TRMT11: variants seen among roughly 807,000 people sequenced by gnomAD.
TRMT11 encodes tRNA (guanine(10)-N(2))-methyltransferase TRMT11.
TRMT11 carries 53 observed loss-of-function variants against 62.8 expected under a neutral mutation model. The observed-to-expected ratio is 0.84, with a 90% CI of 0.68 to 1.06. The LOEUF (loss-of-function observed/expected upper bound fraction) is 1.06. TRMT11 is among the 50% of genes least tolerant of loss of function. The pLI is 0.00. For synonymous variants in TRMT11, 188 were observed against 190.3 expected (o/e 0.99, Z 0.10); for missense variants, 556 against 553.4 (o/e 1.00, Z -0.05).
chr6:126,088,541 T>C (rs1449350520), intron 17 of TRMT11, among the ~76,000 whole-genome samples: 2 of 152,230 alleles, frequency 1.3e-5, no homozygotes, highest in Non-Finnish European at 2.9e-5. Flanking sequence ...GTAGCATTTA[T>C]TGAACACCAG....
chr6:125,993,429 C>T (rs961050527), intron 1 of TRMT11, among the ~76,000 whole-genome samples: 12 of 152,264 alleles, frequency 7.9e-5, no homozygotes, highest in African/African-American at 2.9e-4. Flanking sequence ...GTCTGATTTT[C>T]ATTTTAACTT....
chr6:126,211,909 C>G, the TRMT11 span, among the ~76,000 whole-genome samples: 2 of 152,016 alleles, frequency 1.3e-5, no homozygotes, highest in Non-Finnish European at 1.5e-5. Flanking sequence ...TAGTAACCAT[C>G]CTCTCTTTAC....
chr6:126,033,914 T>C (rs191031017), intron 12 of TRMT11, among the ~76,000 whole-genome samples: 63 of 152,254 alleles, frequency 4.1e-4, no homozygotes, highest in Middle Eastern at 3.4e-3. Flanking sequence ...GGTTTATGTT[T>C]AGAATTAGCA....
intron 1 of TRMT11, among the ~76,000 whole-genome samples, chr6:125,992,409 AC>A (rs1337364989): frequency 3.3e-5 from 5 of 152,256 alleles, no homozygotes; most frequent in Non-Finnish European, 5.9e-5. Flanking sequence ...AGAACAAACA[AC>A]AATCATGCAA....
intron 17 of TRMT11, among the ~76,000 whole-genome samples, chr6:126,072,122 T>A (rs1231621897): frequency 6.6e-6 from 1 of 152,174 alleles, no homozygotes; most frequent in Admixed American, 6.5e-5. Flanking sequence ...GCCACTGTGA[T>A]ATAGTTAACA....
intron 1 of TRMT11, among the ~76,000 whole-genome samples, chr6:126,185,766 C>T (rs1778519775): frequency 6.6e-6 from 1 of 152,142 alleles, no homozygotes; most frequent in Non-Finnish European, 1.5e-5. Flanking sequence ...CACAGTTCTG[C>T]ATGGCTGGGG....
At chr6:126,168,278 G>A (rs755512760) in intron 21 of TRMT11, among the ~76,000 whole-genome samples, 3 of 152,130 alleles carry the variant, frequency 2.0e-5, no homozygotes, top group African/African-American at 4.8e-5. Context: ...TCCAACAGTC[G>A]TTGATACTGA....
the TRMT11 span, among the ~76,000 whole-genome samples, chr6:126,217,874 C>T: frequency 6.6e-6 from 1 of 152,108 alleles, no homozygotes; most frequent in Non-Finnish European, 1.5e-5. Context: ...TCCAGAGATG[C>T]CACTTGGGAG....
chr6:126,114,882 C>T (rs531958877), intron 19 of TRMT11, among the ~76,000 whole-genome samples: 3 of 152,186 alleles, frequency 2.0e-5, no homozygotes, highest in Non-Finnish European at 4.4e-5. Context: ...CACTTGTGGA[C>T]TAAATGGTAT....
At chr6:126,177,546 A>G (rs540288708) in intron 1 of TRMT11, among the ~76,000 whole-genome samples, 73 of 152,126 alleles carry the variant, frequency 4.8e-4, no homozygotes, top group African/African-American at 1.6e-3. Flanking sequence ...GGTATTTTCT[A>G]TTGCTTCCTC....
rs145472629 is a variant in TRMT11 at position 126,014,693 on chromosome 6, C to T, written c.1139+1592C>T. Among the ~76,000 whole-genome samples the T allele has an allele frequency of 4.1e-3, 626 of 152,242 alleles. 3 individuals are homozygous for T. Among genetic ancestry groups the T allele is most frequent in the African/African-American group, 0.014 (587 of 41,534 alleles). ...TATTTAAAATTACCATGGCCTAACTCTAGTTATGCATTTCGTTATCAGCTG... is the reference window on the plus strand; with the variant it reads ...TATTTAAAATTACCATGGCCTAACTTTAGTTATGCATTTCGTTATCAGCTG... On this transcript the variant is annotated intron_variant, in intron 11 of 12. Transcript: ENST00000334379.
intron 11 of TRMT11, among the ~76,000 whole-genome samples, chr6:126,013,677 A>G (rs1794600410): frequency 6.6e-6 from 1 of 152,246 alleles, no homozygotes; most frequent in Admixed American, 6.5e-5. Context: ...TTCTTGAGCT[A>G]GGACTAGTTT....
the TRMT11 span, among the ~76,000 whole-genome samples, chr6:126,233,123 C>T: frequency 6.6e-6 from 1 of 152,082 alleles, no homozygotes; most frequent in South Asian, 2.1e-4. Flanking sequence ...CAGTATTGAA[C>T]CTGACCATGT....
chr6:126,050,555 C>T (rs1373310253), intron 16 of TRMT11, among the ~76,000 whole-genome samples: 1 of 151,750 alleles, frequency 6.6e-6, no homozygotes, highest in Non-Finnish European at 1.5e-5. Context: ...TAAAATGGGC[C>T]AGGTGTAGTG....
intron 1 of TRMT11, among the ~76,000 whole-genome samples, chr6:126,190,317 G>A (rs1231177197): frequency 2.0e-5 from 3 of 152,058 alleles, no homozygotes; most frequent in African/African-American, 4.8e-5. Flanking sequence ...TGGATAATGG[G>A]GGCTGTTTCT....
At chr6:126,131,683 A>G (rs1196707372) in intron 21 of TRMT11, among the ~76,000 whole-genome samples, 1 of 151,964 alleles carries the variant, frequency 6.6e-6, no homozygotes, top group African/African-American at 2.4e-5. Context: ...TTTTTCTTCC[A>G]GGCCTCAAAA....
intron 17 of TRMT11, among the ~76,000 whole-genome samples, chr6:126,057,202 G>A (rs1776397782): frequency 6.6e-6 from 1 of 152,176 alleles, no homozygotes; most frequent in South Asian, 2.1e-4. Flanking sequence ...AAGCCTTTGC[G>A]GCTCTCCTCT....
intron 1 of TRMT11, among the ~76,000 whole-genome samples, chr6:125,991,377 A>T (rs924402465): frequency 6.6e-6 from 1 of 151,934 alleles, no homozygotes; most frequent in African/African-American, 2.4e-5. Context: ...TAGCTTCCTG[A>T]GTAGCTGGGA....
chr6:126,018,986 T>G (rs1795402525), intron 11 of TRMT11, among the ~76,000 whole-genome samples: 1 of 152,128 alleles, frequency 6.6e-6, no homozygotes, highest in Admixed American at 6.5e-5. Context: ...GTTTGAGCGA[T>G]TCTCCTGCCT....
Sources: allele counts gnomAD v4.1 joint callset (sites outside exome capture counted in the v4.1 genomes callset), GRCh38; gene constraint gnomAD v4.1.1; transcripts MANE v1.5; gene names NCBI Gene and HGNC (gene_info 2026-07-23, HGNC 2026-07-21).